NRG1: variants seen among roughly 807,000 people sequenced by gnomAD.
NRG1 encodes the protein neuregulin 1.
A neutral mutation model predicts 63.8 loss-of-function variants in NRG1; 18 were observed. The ratio of observed to expected loss-of-function variants is 0.28; its 90% CI spans 0.19 to 0.42. NRG1 has a LOEUF of 0.42. Ranked by LOEUF, NRG1 falls within the 10% of genes least tolerant of loss-of-function variation. NRG1 has a pLI of 1.00. For synonymous variants in NRG1, 302 were observed against 301.3 expected (o/e 1.00, Z -0.02); for missense variants, 762 against 814.7 (o/e 0.94, Z 0.79).
chr8:32,177,337 G>A (rs1377293859), intron 1 of NRG1, among the ~76,000 whole-genome samples: 3 of 150,868 alleles, frequency 2.0e-5, no homozygotes, highest in Non-Finnish European at 3.0e-5. Flanking sequence ...GTGGGGTGGT[G>A]GGAGGGGGGA....
At chr8:32,167,322 G>T (rs764883571) in intron 1 of NRG1, among the ~76,000 whole-genome samples, 1 of 152,134 alleles carries the variant, frequency 6.6e-6, no homozygotes, top group Non-Finnish European at 1.5e-5. Context: ...AGAGCCATGA[G>T]ATTAGGGATT....
At chr8:31,912,093 C>G (rs1832989551) in intron 1 of NRG1, among the ~76,000 whole-genome samples, 2 of 152,252 alleles carry the variant, frequency 1.3e-5, no homozygotes, top group South Asian at 4.1e-4. Context: ...TGGCTTAAAA[C>G]CTAGAGGAGG....
intron 1 of NRG1, among the ~76,000 whole-genome samples, chr8:31,815,822 AT>A (rs898150063): frequency 1.1e-4 from 17 of 150,178 alleles, no homozygotes; most frequent in African/African-American, 3.7e-4. Context: ...CCAGCCTAGT[AT>A]TTTTTTTTCT....
chr8:32,568,245 T>C (rs999879914), intron 1 of NRG1, among the ~76,000 whole-genome samples: 3 of 152,210 alleles, frequency 2.0e-5, no homozygotes, highest in African/African-American at 7.2e-5. Flanking sequence ...GAAGTGCTCG[T>C]TTCAATATTG....
intron 1 of NRG1, among the ~76,000 whole-genome samples, chr8:31,915,663 T>G (rs904375237): frequency 6.6e-6 from 1 of 152,154 alleles, no homozygotes. Flanking sequence ...TATAAATATA[T>G]GCTCATTTTA....
At chr8:31,853,014 C>G (rs1269340563) in intron 1 of NRG1, among the ~76,000 whole-genome samples, 1 of 151,786 alleles carries the variant, frequency 6.6e-6, no homozygotes, top group Non-Finnish European at 1.5e-5. Flanking sequence ...GTTACTGTAG[C>G]CTTGTAGTAT....
At chr8:32,725,713 A>T (rs1821987707) in intron 5 of NRG1, among the ~76,000 whole-genome samples, 2 of 151,708 alleles carry the variant, frequency 1.3e-5, no homozygotes, top group South Asian at 2.1e-4. Flanking sequence ...TGACCTCATG[A>T]TCCTCCCATC....
chr8:32,002,216 G>A (rs1245652930), intron 1 of NRG1, among the ~76,000 whole-genome samples: 1 of 151,868 alleles, frequency 6.6e-6, no homozygotes, highest in Admixed American at 6.6e-5. Flanking sequence ...TAGAGACAGG[G>A]TGTCACCATA....
intron 1 of NRG1, among the ~76,000 whole-genome samples, chr8:31,917,631 A>G (rs1203934132): frequency 6.6e-6 from 1 of 152,176 alleles, no homozygotes; most frequent in Non-Finnish European, 1.5e-5. Context: ...GTTGGAAGTC[A>G]GGTAACGTGA....
chr8:31,849,683 G>A (rs1310152671), intron 1 of NRG1, among the ~76,000 whole-genome samples: 1 of 152,082 alleles, frequency 6.6e-6, no homozygotes, highest in Admixed American at 6.6e-5. Flanking sequence ...TCCATCACAG[G>A]GTGACGATGG....
In NRG1 at chr8:32,632,988, C is replaced by A. The variant is rs74648442; in HGVS notation, c.502+16103C>A. ...TAATTAACCCAGGGTCTATAAGCAA[C>A]AAATTTTTAAATCAGATATATATCT... On this transcript the variant is annotated intron_variant, in intron 5 of 11. Transcript: ENST00000356819. Among the ~76,000 whole-genome samples, 646 of 152,210 alleles carry A rather than the reference C, an allele frequency of 4.2e-3. 3 individuals carry two copies. Among genetic ancestry groups the A allele is most frequent in the African/African-American group, 0.015 (606 of 41,540 alleles).
In NRG1 at chr8:31,640,517, A is replaced by C; in HGVS notation, c.37+1086A>C. 1 of 1,611,128 alleles carries C rather than the reference A, an allele frequency of 6.2e-7. No homozygotes were observed. Among genetic ancestry groups the C allele is most frequent in the Non-Finnish European group, 8.5e-7 (1 of 1,179,252 alleles). On this transcript the variant is annotated intron_variant, in intron 1 of 10. Transcript: ENST00000519301. This position sits in a 1 kb window ranked among gnomAD's most constrained non-coding sequence, Gnocchi z 6.3. The stretch of plus-strand genomic sequence containing the variant: ...GTGAAAGCCGGGGGCTTGAAGAAGG[A>C]CTCGCTGCTCACCGTGCGCCTGGGG...
At chr8:32,552,309 G>A (rs756250384) in intron 1 of NRG1, among the ~76,000 whole-genome samples, 2 of 149,700 alleles carry the variant, frequency 1.3e-5, no homozygotes, top group African/African-American at 2.5e-5. Context: ...CTGCACCTCT[G>A]CACGGAATTC....
intron 1 of NRG1, among the ~76,000 whole-genome samples, chr8:32,367,288 C>T (rs1808197393): frequency 6.6e-6 from 1 of 152,188 alleles, no homozygotes; most frequent in Non-Finnish European, 1.5e-5. Flanking sequence ...CCTTTTTCCA[C>T]ATCCTCACTG....
chr8:31,871,401 CA>C (rs1829472672), intron 1 of NRG1, among the ~76,000 whole-genome samples: 2 of 152,230 alleles, frequency 1.3e-5, no homozygotes, highest in Middle Eastern at 3.4e-3. Flanking sequence ...AAGAATCTCA[CA>C]AAATCCACTG....
At chr8:32,288,320 CAG>C (rs1331310171) in intron 1 of NRG1, among the ~76,000 whole-genome samples, 4 of 152,110 alleles carry the variant, frequency 2.6e-5, no homozygotes, top group African/African-American at 9.7e-5. Context: ...TTTTAATTCT[CAG>C]AATTGTTTCA....
intron 1 of NRG1, among the ~76,000 whole-genome samples, chr8:31,972,835 C>T (rs1326346702): frequency 6.6e-6 from 1 of 152,218 alleles, no homozygotes; most frequent in South Asian, 2.1e-4. Flanking sequence ...GTATATCTCA[C>T]TCTTCTGCCT....
chr8:31,889,869 G>A lies in NRG1; in HGVS notation c.37+250438G>A, dbSNP rs183918578. 6.0e-4 allele frequency among the ~76,000 whole-genome samples: 92 copies of A among 152,230 alleles called. No individual in the cohort carries two copies. The Middle Eastern group carries it at 0.014, about 23-fold the overall frequency. The stretch of plus-strand genomic sequence containing the variant: ...CAAGAGCTAAAGCAAAGCACATCTC[G>A]GAGAAGTGAGCCAGGAAAGTGGATC... On this transcript the variant is annotated intron_variant, in intron 1 of 10. Transcript: ENST00000519301.
chr8:32,311,331 T>C (rs1856783527), intron 1 of NRG1, among the ~76,000 whole-genome samples: 1 of 152,146 alleles, frequency 6.6e-6, no homozygotes, highest in Non-Finnish European at 1.5e-5. Flanking sequence ...GATGAAAATA[T>C]GTCAATGGGA....
Sources: allele counts gnomAD v4.1 joint callset (sites outside exome capture counted in the v4.1 genomes callset), GRCh38; gene constraint gnomAD v4.1.1; non-coding constraint Gnocchi (gnomAD v3.1); transcripts MANE v1.5; gene names NCBI Gene and HGNC (gene_info 2026-07-23, HGNC 2026-07-21).